GLI1: variants seen among roughly 807,000 people sequenced by gnomAD.
GLI1 encodes the protein transcription activator GLI1.
GLI1 carries 51 observed loss-of-function variants against 87.8 expected under a neutral mutation model. The observed-to-expected ratio is 0.58, with a 90% CI of 0.46 to 0.73. The LOEUF (loss-of-function observed/expected upper bound fraction) is 0.73. GLI1 is among the 30% of genes least tolerant of loss of function. GLI1 has a pLI of 0.00. For synonymous variants in GLI1, 528 were observed against 558.2 expected, an observed-to-expected ratio of 0.95 and a Z score of 0.76; for missense variants, 1,292 against 1,437.2, an observed-to-expected ratio of 0.90 and a Z score of 1.63.
rs1013243478 is a variant in GLI1 at position 57,466,007 on chromosome 12, G to T, written c.762+82G>T. The T allele has an allele frequency of 7.3e-6, 10 of 1,372,336 alleles. 1 individual carries two copies. The African/African-American group carries it at 1.1e-4, about 16-fold the overall frequency. The allele number at this position is 1,372,336 out of a possible 1,614,324, so 85.0% of individuals were successfully genotyped here. On this transcript the variant is annotated intron_variant, in intron 7 of 11. Coordinates refer to ENST00000228682, the MANE Select transcript of GLI1 (RefSeq NM_005269.3). The stretch of plus-strand genomic sequence containing the variant: ...GGGACATGGTGGAATCCGGCTGAGG[G>T]CAGGAGGTCAGAGGAGACTGAGGTT...
intron 3 of GLI1, 40 bp from the exon 4 acceptor site, chr12:57,464,633 G>T: frequency 6.8e-7 from 1 of 1,472,708 alleles, no homozygotes; most frequent in Non-Finnish European, 9.5e-7. Flanking sequence ...GGAGAGACAT[G>T]CCCCTTTACC....
chr12:57,461,523 T>C (rs1373232318), intron 1 of GLI1, among the ~76,000 whole-genome samples: 7 of 152,188 alleles, frequency 4.6e-5, no homozygotes, highest in Admixed American at 3.9e-4. Flanking sequence ...CCCTATACTT[T>C]CTGGATTCTT....
chr12:57,470,234 G>A, intron 11 of GLI1, 83 bp from the exon 12 acceptor site: 1 of 1,057,392 alleles, frequency 9.5e-7, no homozygotes, highest in Non-Finnish European at 1.4e-6. Context: ...TGAGAATCCA[G>A]GGCAAGGCTG....
chr12:57,468,291 T>G, intron 10 of GLI1, 67 bp downstream of exon 10: 1 of 1,010,046 alleles, frequency 9.9e-7, no homozygotes, highest in East Asian at 2.5e-5. Context: ...TTCTAGTTAC[T>G]TCCCAACCCA....
chr12:57,464,239 C>A, intron 3 of GLI1, 148 bp downstream of exon 3: 1 of 664,506 alleles, frequency 1.5e-6, no homozygotes, highest in Non-Finnish European at 2.7e-6. Context: ...ACAGATGGGG[C>A]CGGGCGCGGT....
At position 57,470,850 on chromosome 12, in the gene GLI1, C is replaced by A; in HGVS notation, c.2110C>A (p.Gln704Lys). 1.2e-6 allele frequency: 2 copies of A among 1,609,522 alleles called. No individual in the cohort carries two copies. Among genetic ancestry groups the A allele is most frequent in the Non-Finnish European group, 1.7e-6 (2 of 1,177,474 alleles). Residue 704 changes from glutamine (Q) to lysine (K), a missense_variant, in exon 12 of 12, where the codon CAG (glutamine) becomes AAG (lysine). Around this residue, in one of 3 missense-constraint regions of GLI1, gnomAD observed 897 missense variants for 1,040.7 expected, o/e 0.86. Coordinates refer to ENST00000228682, the MANE Select transcript of GLI1 (RefSeq NM_005269.3). The part of the protein sequence containing the change: ...ENAAMDARGL[Q>K]EEPEVGTSMV... Reference sequence around the variant, plus strand: ...TGCTGCCATGGATGCTAGAGGGCTACAGGAAGAGCCAGAAGTTGGGACCTC... The same window carrying A: ...TGCTGCCATGGATGCTAGAGGGCTAAAGGAAGAGCCAGAAGTTGGGACCTC...
At chr12:57,465,413 T>C in intron 5 of GLI1, 158 bp downstream of exon 5, 1 of 752,014 alleles carries the variant, frequency 1.3e-6, no homozygotes, top group Non-Finnish European at 2.2e-6. Context: ...TGCAGTTGAG[T>C]CAGACGCTTC....
intron 10 of GLI1, among the ~76,000 whole-genome samples, chr12:57,468,844 TC>T (rs1299937373): frequency 6.6e-6 from 1 of 152,070 alleles, no homozygotes. Flanking sequence ...AACCTCCGCC[TC>T]CCAGGTTCAC....
chr12:57,465,031 C>T (rs1871381877), intron 4 of GLI1, 80 bp from the exon 5 acceptor site: 1 of 1,468,392 alleles, frequency 6.8e-7, no homozygotes, highest in Non-Finnish European at 9.5e-7. Flanking sequence ...AATCCCAAGT[C>T]TTCCAGAAAT....
chr12:57,469,990 T>A (rs1225387846), intron 11 of GLI1, among the ~76,000 whole-genome samples: 1 of 152,142 alleles, frequency 6.6e-6, no homozygotes, highest in Non-Finnish European at 1.5e-5. Flanking sequence ...ATTGCGCCAT[T>A]GCACTCCAAC....
At chr12:57,469,784 T>C (rs1316567154) in intron 11 of GLI1, 86 bp downstream of exon 11, 2 of 1,189,356 alleles carry the variant, frequency 1.7e-6, no homozygotes, top group South Asian at 1.3e-5. Flanking sequence ...TTGAGGGCTG[T>C]CACACAGCAC....
In GLI1 at chr12:57,472,230, C is replaced by A; in HGVS notation, c.*169C>A. 1 of 597,878 alleles carries A rather than the reference C, an allele frequency of 1.7e-6. No homozygotes were observed. The highest frequency in any genetic ancestry group is 2.8e-6 in the Non-Finnish European group (1 of 353,050). The allele number at this position is 597,878 out of a possible 1,614,324, so 37.0% of individuals were successfully genotyped here. A position where few individuals can be genotyped will look rare whatever the true frequency, so the allele number is the denominator to read the frequency against. On this transcript the variant is annotated 3_prime_UTR_variant, in exon 12 of 12. Coordinates refer to ENST00000228682, the MANE Select transcript of GLI1 (RefSeq NM_005269.3). ...GTTTTGAGGAGAAATTTGATAATGA[C>A]ACTGTTTCCTGATAATAAAGGAACT...
chr12:57,464,984 T>C, intron 4 of GLI1, 116 bp downstream of exon 4: 1 of 1,222,208 alleles, frequency 8.2e-7, no homozygotes. Context: ...AAGACAACTC[T>C]CCTCAGTACT....
At chr12:57,467,560 A>G (rs1871579280) in intron 9 of GLI1, 63 bp downstream of exon 9, 1 of 1,376,902 alleles carries the variant, frequency 7.3e-7, no homozygotes, top group Non-Finnish European at 1.0e-6. Flanking sequence ...AGATTCCCCC[A>G]TAAGAAATCC....
intron 4 of GLI1, 51 bp from the exon 5 acceptor site, chr12:57,465,060 C>G: frequency 1.3e-6 from 2 of 1,583,412 alleles, no homozygotes; most frequent in Non-Finnish European, 1.7e-6. Flanking sequence ...TAGCCCAATC[C>G]TTCCTGAGAC....
In GLI1 at chr12:57,464,038, T is replaced by C. The variant is rs1594742670; in HGVS notation, c.140T>C (p.Met47Thr). The change falls in exon 3 of 12, where the codon ATG becomes ACG. Residue 47 changes from methionine (M) to threonine (T), a missense_variant. This residue lies in a region of GLI1 where 383 missense variants were observed against 368.4 expected (regional missense o/e 1.04). Coordinates refer to ENST00000228682, the MANE Select transcript of GLI1 (RefSeq NM_005269.3). The part of the protein sequence containing the change: ...GPPFCHQANL[M>T]SGPHSYGPAR... ...CCCTTCTGCCACCAAGCTAACCTCA[T>C]GTCCGGCCCCCACAGTTATGGGCCA... 2 of 1,614,094 alleles carry C rather than the reference T, an allele frequency of 1.2e-6. No individual in the cohort carries two copies. The highest frequency in any genetic ancestry group is 1.3e-5 in the African/African-American group (1 of 75,058).
At chr12:57,470,043 AAAAC>A (rs372887010) in intron 11 of GLI1, among the ~76,000 whole-genome samples, 13 of 152,110 alleles carry the variant, frequency 8.5e-5, no homozygotes, top group South Asian at 2.1e-4. Flanking sequence ...AAAACAAAAC[AAAAC>A]AAACAAACAA....
At chr12:57,462,531 A>G (rs1871213820) in intron 1 of GLI1, among the ~76,000 whole-genome samples, 1 of 152,014 alleles carries the variant, frequency 6.6e-6, no homozygotes, top group African/African-American at 2.4e-5. Context: ...TGAAAAGAAA[A>G]ACGGACAGCA....
In GLI1 at chr12:57,471,890, G is replaced by A. The variant is rs1309595967; in HGVS notation, c.3150G>A (p.Val1050=). 7.5e-6 allele frequency: 12 copies of A among 1,607,118 alleles called. No individual in the cohort carries two copies. The highest frequency in any genetic ancestry group is 2.7e-5 in the African/African-American group (2 of 74,606). ...LDLDNTQLDF[V]AILDEPQGLS... ...TTGACAACACTCAGCTGGACTTTGT[G>A]GCTATTCTGGATGAGCCCCAGGGGC... The change falls in exon 12 of 12, where the codon GTG becomes GTA. Residue 1050 remains valine, a synonymous_variant. Transcript: ENST00000228682. The surrounding 1 kb of genome is among the most constrained non-coding windows in gnomAD (Gnocchi z 4.9).
Sources: gnomAD v4.1 joint callset for allele counts (sites outside exome capture counted in the v4.1 genomes callset) on GRCh38, gnomAD v4.1.1 for gene constraint, gnomAD v4.1.1 regional missense constraint, Gnocchi (gnomAD v3.1) non-coding constraint, MANE v1.5 for transcripts, NCBI Gene and HGNC (gene_info 2026-07-23, HGNC 2026-07-21) for gene names.